Variants in RFX8 observed in about 807,000 individuals in gnomAD.
RFX8 encodes the protein DNA-binding protein RFX8.
RFX8 carries 46 observed loss-of-function variants against 54.6 expected under a neutral mutation model. That is an observed-to-expected ratio of 0.84 (90% CI 0.67 to 1.08). The LOEUF is 1.08. Among genes scored for constraint, RFX8 ranks in the 50% least tolerant of loss-of-function variants. The pLI is 0.00. For synonymous variants in RFX8, 192 were observed against 209.5 expected, an observed-to-expected ratio of 0.92 and a Z score of 0.72; for missense variants, 536 against 562.3, an observed-to-expected ratio of 0.95 and a Z score of 0.47.
chr2:101,407,777 A>T (rs1339132288), intron 9 of RFX8, among the ~76,000 whole-genome samples: 1 of 152,088 alleles, frequency 6.6e-6, no homozygotes, highest in Non-Finnish European at 1.5e-5. Context: ...TCTCTGCACA[A>T]ATGTTTGAAA....
chr2:101,406,660 A>G (rs1265415450), intron 9 of RFX8, among the ~76,000 whole-genome samples: 1 of 152,212 alleles, frequency 6.6e-6, no homozygotes, highest in Non-Finnish European at 1.5e-5. Flanking sequence ...TTTTTAAAAA[A>G]GAGGTCACTT....
At position 101,474,639 on chromosome 2, in the gene RFX8, T is replaced by A; in HGVS notation, c.-56A>T. 1 of 191,334 alleles carries A rather than the reference T, an allele frequency of 5.2e-6. No individual in the cohort carries two copies. Among genetic ancestry groups the A allele is most frequent in the Non-Finnish European group, 1.1e-5 (1 of 93,622 alleles). 11.9% of individuals were successfully genotyped at this position (191,334 alleles called of 1,614,324 possible). The stretch of plus-strand genomic sequence containing the variant: ...CGAACAACAAGCACCAACTTACACC[T>A]TTTCCAATCTGGTCGCGGTGTTGAG... On this transcript the variant is annotated 5_prime_UTR_variant, in exon 1 of 12. It adds an upstream start codon to the 5' untranslated region. Transcript: ENST00000428343.
chr2:101,442,550 T>G (rs1005171007), intron 2 of RFX8, among the ~76,000 whole-genome samples: 1 of 152,128 alleles, frequency 6.6e-6, no homozygotes, highest in Non-Finnish European at 1.5e-5. Flanking sequence ...CTTGAAACCT[T>G]TTGTGCCACT....
chr2:101,409,504 G>A (rs369408076), intron 9 of RFX8, among the ~76,000 whole-genome samples: 7 of 151,376 alleles, frequency 4.6e-5, no homozygotes, highest in African/African-American at 1.5e-4. Flanking sequence ...GGGATTACAG[G>A]AGTGAGCCAC....
At chr2:101,410,504 TG>T (rs1015971390) in intron 9 of RFX8, 114 bp downstream of exon 9, 2 of 637,278 alleles carry the variant, frequency 3.1e-6, no homozygotes, top group African/African-American at 3.7e-5. Context: ...AGGCCAGCTT[TG>T]ACACATTTCC....
chr2:101,466,729 C>T (rs1558893941), intron 2 of RFX8, 48 bp downstream of exon 2: 2 of 1,339,524 alleles, frequency 1.5e-6, no homozygotes, highest in African/African-American at 1.5e-5. Context: ...ACTTGCTTCC[C>T]TTTTTTGCAC....
At chr2:101,435,526 AGATGT>A (rs1220908968) in intron 2 of RFX8, among the ~76,000 whole-genome samples, 3 of 152,226 alleles carry the variant, frequency 2.0e-5, no homozygotes, top group Non-Finnish European at 4.4e-5. Context: ...CTGTTTCTCC[AGATGT>A]GATATAATGC....
intron 2 of RFX8, among the ~76,000 whole-genome samples, chr2:101,445,125 C>G (rs1168008041): frequency 6.6e-6 from 1 of 152,164 alleles, no homozygotes; most frequent in South Asian, 2.1e-4. Flanking sequence ...CCACAAAAGC[C>G]TCTCCCTAGT....
intron 2 of RFX8, among the ~76,000 whole-genome samples, chr2:101,438,898 G>A (rs972992884): frequency 6.6e-6 from 1 of 152,058 alleles, no homozygotes; most frequent in African/African-American, 2.4e-5. Context: ...TGCAACTTCT[G>A]CCTCCTGGGT....
intron 5 of RFX8, among the ~76,000 whole-genome samples, chr2:101,418,243 C>T (rs1409116037): frequency 1.3e-5 from 2 of 152,134 alleles, no homozygotes; most frequent in Non-Finnish European, 2.9e-5. Context: ...TAAAAAATCA[C>T]ACAATGCTGG....
intron 2 of RFX8, among the ~76,000 whole-genome samples, chr2:101,440,818 G>A (rs1231709805): frequency 3.3e-5 from 5 of 152,150 alleles, no homozygotes; most frequent in Non-Finnish European, 7.3e-5. Context: ...CGGCTCCAGC[G>A]TTACTCGAGA....
At chr2:101,470,626 C>G (rs955389448) in intron 1 of RFX8, among the ~76,000 whole-genome samples, 2 of 151,698 alleles carry the variant, frequency 1.3e-5, no homozygotes, top group African/African-American at 4.8e-5. Flanking sequence ...ATGTTCTCCT[C>G]GCTTTGAGTG....
At chr2:101,439,168 A>T (rs1029925896) in intron 2 of RFX8, among the ~76,000 whole-genome samples, 2 of 152,112 alleles carry the variant, frequency 1.3e-5, no homozygotes, top group Admixed American at 6.5e-5. Flanking sequence ...GTGTCCCTTC[A>T]TGTGCTTATT....
chr2:101,413,458 T>C (rs1686283273), intron 7 of RFX8, among the ~76,000 whole-genome samples: 1 of 152,172 alleles, frequency 6.6e-6, no homozygotes, highest in South Asian at 2.1e-4. Flanking sequence ...GGAAGCTGGC[T>C]GTCCCTTCCT....
Position 101,417,450 on chromosome 2 carries a change from C to G in RFX8, c.502+84G>C, listed in dbSNP as rs941231564. The G allele has an allele frequency of 1.5e-5, 20 of 1,294,708 alleles. No individual in the cohort carries two copies. In the East Asian group the frequency reaches 4.1e-4, roughly 27 times the overall value. 80.2% of individuals were successfully genotyped at this position (1,294,708 alleles called of 1,614,324 possible). A position where few individuals can be genotyped will look rare whatever the true frequency, so the allele number is the denominator to read the frequency against. ...CAAACTCCTGGCCTCAAGCGATCCT[C>G]CTGCCTCGGCCTTCCAAAGTGCTGG... On this transcript the variant is annotated intron_variant, in intron 6 of 11. Coordinates refer to ENST00000428343, the MANE Select transcript of RFX8 (RefSeq NM_001145664.2).
chr2:101,456,219 G>T (rs1401062217), intron 2 of RFX8, among the ~76,000 whole-genome samples: 1 of 152,194 alleles, frequency 6.6e-6, no homozygotes, highest in Non-Finnish European at 1.5e-5. Context: ...TCTCTTGCCT[G>T]ATTGTCCTAG....
Position 101,450,695 on chromosome 2 carries a change from G to T in RFX8, c.72+16082C>A. On this transcript the variant is annotated intron_variant, in intron 2 of 11. Transcript: ENST00000428343. ...CATAATGATACCTGGAAAAATAAAG[G>T]TTGTCTTTAAATTTATGTCTAACTA... The T allele has an allele frequency of 2.9e-6, 4 of 1,358,204 alleles. No homozygotes were observed. The African/African-American group carries it at 4.3e-5, about 15-fold the overall frequency. The allele number at this position is 1,358,204 out of a possible 1,614,324, so 84.1% of individuals were successfully genotyped here. A position where few individuals can be genotyped will look rare whatever the true frequency, so the allele number is the denominator to read the frequency against.
At chr2:101,456,806 C>A (rs1232933450) in intron 2 of RFX8, among the ~76,000 whole-genome samples, 1 of 152,052 alleles carries the variant, frequency 6.6e-6, no homozygotes, top group Non-Finnish European at 1.5e-5. Flanking sequence ...CCTTTTTGTA[C>A]CTCTGGTAGA....
At chr2:101,466,309 GA>G (rs34805689) in intron 2 of RFX8, among the ~76,000 whole-genome samples, 14,696 of 132,352 alleles carry the variant, frequency 0.11, 840 homozygotes, top group East Asian at 0.2. Context: ...TTCTATCTCG[GA>G]AAAAAAAAAA....
Sources: gnomAD v4.1 joint callset for allele counts (sites outside exome capture counted in the v4.1 genomes callset) on GRCh38, gnomAD v4.1.1 for gene constraint, MANE v1.5 for transcripts, NCBI Gene and HGNC (gene_info 2026-07-23, HGNC 2026-07-21) for gene names.